Variants in CCDC102B observed in about 807,000 individuals in gnomAD.
The protein encoded by CCDC102B is coiled-coil domain containing 102B.
A neutral mutation model predicts 57.4 loss-of-function variants in CCDC102B; 75 were observed. The observed-to-expected ratio is 1.31, with a 90% CI of 1.08 to 1.58. CCDC102B has a LOEUF of 1.58. Ranked by LOEUF, CCDC102B falls within the 40% of genes most tolerant of loss-of-function variation. CCDC102B has a pLI of 0.00. For missense variants in CCDC102B, 636 were observed against 582.6 expected, an observed-to-expected ratio of 1.09 and a Z score of -0.94; for synonymous variants, 206 against 201.9, an observed-to-expected ratio of 1.02 and a Z score of -0.17.
chr18:68,841,797 A>G (rs1393418689), intron 3 of CCDC102B, among the ~76,000 whole-genome samples: 1 of 152,032 alleles, frequency 6.6e-6, no homozygotes, highest in African/African-American at 2.4e-5. Context: ...CAGTGGTGCA[A>G]TGTAAGCTCA....
intron 6 of CCDC102B, among the ~76,000 whole-genome samples, chr18:69,001,509 T>C (rs982385031): frequency 2.0e-5 from 3 of 148,912 alleles, no homozygotes; most frequent in African/African-American, 4.9e-5. Context: ...AAAAAAAGAA[T>C]CAGGGACTCT....
At chr18:68,844,785 A>G (rs971027805) in intron 3 of CCDC102B, among the ~76,000 whole-genome samples, 1 of 151,862 alleles carries the variant, frequency 6.6e-6, no homozygotes, top group Non-Finnish European at 1.5e-5. Flanking sequence ...AAGTAGTAAA[A>G]CAAAAATTAT....
chr18:68,911,681 G>A (rs1244870525), intron 6 of CCDC102B, among the ~76,000 whole-genome samples: 3 of 138,990 alleles, frequency 2.2e-5, no homozygotes, highest in African/African-American at 8.5e-5. Context: ...GAACCCGGGA[G>A]GCGGAGCTTG....
chr18:68,782,382 A>G (rs557837681), intron 2 of CCDC102B, among the ~76,000 whole-genome samples: 2 of 152,264 alleles, frequency 1.3e-5, no homozygotes, highest in South Asian at 4.1e-4. Flanking sequence ...ACATATAAAA[A>G]TGTAATGATT....
intron 2 of CCDC102B, chr18:68,721,451 A>G (rs961449717): frequency 6.6e-6 from 1 of 152,068 alleles, no homozygotes; most frequent in Non-Finnish European, 1.5e-5. Context: ...TTTGAACTTG[A>G]TATCAGTGGA....
rs1491141847 is a variant in CCDC102B, at chr18:68,808,467, ACT to A, written c.-16+10287_-16+10288del. ...CCATTGTTATTTCATTGCTTTTACTACTTTTTTTTTTTTTTTTTTTTTTTTTG... is the reference window on the plus strand; with the variant it reads ...CCATTGTTATTTCATTGCTTTTACTATTTTTTTTTTTTTTTTTTTTTTTTG... On this transcript the variant is annotated intron_variant, in intron 1 of 7. Coordinates refer to ENST00000360242, the MANE Select transcript of CCDC102B (RefSeq NM_024781.3). Among the ~76,000 whole-genome samples, 14 of 121,222 alleles carry A rather than the reference ACT, an allele frequency of 1.2e-4. No homozygotes were observed. The South Asian group carries it at 2.6e-3, about 23-fold the overall frequency. The allele number at this position is 121,222 out of a possible 152,430, so 79.5% of individuals were successfully genotyped here.
At position 69,016,584 on chromosome 18, in the gene CCDC102B, T is replaced by TA. The variant is rs2051675253; in HGVS notation, c.1434+5480_1434+5481insA. Among the ~76,000 whole-genome samples, 3 of 152,336 alleles carry TA rather than the reference T, an allele frequency of 2.0e-5. No individual in the cohort carries two copies. The South Asian group carries it at 6.2e-4, about 32-fold the overall frequency. ...ATGGGCTTCAAATGCCTAGGTAATCTTACACACAATTATAGTCACTGTTGC... is the reference window on the plus strand; with the variant it reads ...ATGGGCTTCAAATGCCTAGGTAATCTATACACACAATTATAGTCACTGTTGC... On this transcript the variant is annotated intron_variant, in intron 7 of 7. Transcript: ENST00000360242.
At chr18:69,031,620 GT>G (rs965643911) in intron 7 of CCDC102B, among the ~76,000 whole-genome samples, 3 of 151,722 alleles carry the variant, frequency 2.0e-5, no homozygotes, top group Non-Finnish European at 4.4e-5. Context: ...TTACTAATTT[GT>G]TTTTTTCTTT....
intron 5 of CCDC102B, among the ~76,000 whole-genome samples, chr18:68,877,482 G>A (rs2144941664): frequency 1.3e-5 from 2 of 152,238 alleles, no homozygotes; most frequent in Middle Eastern, 3.4e-3. Context: ...ATTCTTCTAA[G>A]ACCCTGTTTA....
At chr18:68,790,320 G>GAGGCAGGC (rs536774052) in intron 2 of CCDC102B, among the ~76,000 whole-genome samples, 1 of 150,932 alleles carries the variant, frequency 6.6e-6, no homozygotes, top group Non-Finnish European at 1.5e-5. Context: ...GGAGCGTACA[G>GAGGCAGGC]AGGCAGGCAG....
intron 1 of CCDC102B, among the ~76,000 whole-genome samples, chr18:68,815,799 C>T (rs1031465723): frequency 1.3e-5 from 2 of 151,868 alleles, no homozygotes; most frequent in African/African-American, 4.8e-5. Flanking sequence ...AAATCTGGAT[C>T]ATGTAGTTCA....
At chr18:68,901,606 C>T (rs1201166451) in intron 6 of CCDC102B, among the ~76,000 whole-genome samples, 2 of 152,138 alleles carry the variant, frequency 1.3e-5, no homozygotes, top group African/African-American at 4.8e-5. Context: ...AGTTGTCCTC[C>T]AAAGAAAAGT....
At chr18:68,864,281 A>G (rs1258888091) in intron 4 of CCDC102B, among the ~76,000 whole-genome samples, 1 of 151,790 alleles carries the variant, frequency 6.6e-6, no homozygotes, top group African/African-American at 2.4e-5. Flanking sequence ...TTCTTTTCCT[A>G]TATTTTCTAT....
chr18:68,871,013 T>C (rs1033115670), intron 4 of CCDC102B, among the ~76,000 whole-genome samples: 1 of 152,222 alleles, frequency 6.6e-6, no homozygotes, highest in African/African-American at 2.4e-5. Flanking sequence ...TATCTGAATA[T>C]AGAATACATA....
chr18:68,840,419 C>A (rs2037577717), intron 3 of CCDC102B, among the ~76,000 whole-genome samples: 1 of 152,108 alleles, frequency 6.6e-6, no homozygotes, highest in Admixed American at 6.6e-5. Flanking sequence ...ACTAGTGCCA[C>A]CAATTCCCTT....
intron 2 of CCDC102B, among the ~76,000 whole-genome samples, chr18:68,727,247 T>A (rs1224116407): frequency 6.6e-6 from 1 of 152,178 alleles, no homozygotes; most frequent in Non-Finnish European, 1.5e-5. Context: ...CTGACTCCAG[T>A]CTCTGGCTAA....
chr18:69,024,577 T>G (rs2043168), intron 7 of CCDC102B, among the ~76,000 whole-genome samples: 125,510 of 151,970 alleles, frequency 0.83, 53,991 homozygotes, highest in Non-Finnish European at 0.96. Flanking sequence ...AAAGGTAAGA[T>G]TATATGTTAG....
intron 6 of CCDC102B, among the ~76,000 whole-genome samples, chr18:68,948,325 A>C (rs902234562): frequency 3.3e-5 from 5 of 152,110 alleles, no homozygotes; most frequent in African/African-American, 1.2e-4. Context: ...ATTTTAAATA[A>C]AATTCATAAC....
chr18:68,882,387 C>T (rs1351847470), intron 5 of CCDC102B, among the ~76,000 whole-genome samples: 13 of 152,156 alleles, frequency 8.5e-5, no homozygotes, highest in Non-Finnish European at 1.6e-4. Context: ...TGAGCAAAGC[C>T]AGTGACAACT....
Sources: allele counts gnomAD v4.1 joint callset (sites outside exome capture counted in the v4.1 genomes callset), GRCh38; gene constraint gnomAD v4.1.1; transcripts MANE v1.5; gene names NCBI Gene and HGNC (gene_info 2026-07-23, HGNC 2026-07-21).